PALLD: variants seen among roughly 807,000 people sequenced by gnomAD.
The protein encoded by PALLD is palladin, cytoskeletal associated protein.
PALLD carries 61 observed loss-of-function variants against 123.5 expected under a neutral mutation model. The observed-to-expected ratio is 0.49, with a 90% confidence interval of 0.40 to 0.61. The LOEUF is 0.61. PALLD is among the 20% of genes least tolerant of loss of function. The pLI is 0.00. For missense variants in PALLD, 1,273 were observed against 1,377.0 expected (o/e 0.92, Z 1.20); for synonymous variants, 465 against 496.4 (o/e 0.94, Z 0.84).
At chr4:168,503,709 A>G (rs1761686991) in intron 1 of PALLD, among the ~76,000 whole-genome samples, 1 of 152,118 alleles carries the variant, frequency 6.6e-6, no homozygotes, top group African/African-American at 2.4e-5. Context: ...AAGGAGCAGC[A>G]AGTGCAAAGG....
intron 10 of PALLD, among the ~76,000 whole-genome samples, chr4:168,871,307 T>C (rs77588101): frequency 0.026 from 3,928 of 152,272 alleles, 163 homozygotes; most frequent in African/African-American, 0.087. Flanking sequence ...CGTCATTTCA[T>C]TGGAAGACAG....
intron 2 of PALLD, among the ~76,000 whole-genome samples, chr4:168,599,694 T>C (rs1772350537): frequency 6.6e-6 from 1 of 151,980 alleles, no homozygotes; most frequent in Non-Finnish European, 1.5e-5. Context: ...AGGCCATGAG[T>C]TCAAGGTTGT....
intron 9 of PALLD, among the ~76,000 whole-genome samples, chr4:168,710,044 G>A (rs747223438): frequency 9.9e-5 from 15 of 152,046 alleles, no homozygotes; most frequent in Admixed American, 3.3e-4. Flanking sequence ...TTCTGAAAAG[G>A]TAATACAAGA....
rs1047268497 is a variant in PALLD, at chr4:168,755,212, G to A, written c.1964+43289G>A. Reference sequence around the variant, plus strand: ...TGCACCACTGCACTCCAGCCTGGGCGAGAGAGCAAGACTCCGTCTCAAAAA... The same window carrying A: ...TGCACCACTGCACTCCAGCCTGGGCAAGAGAGCAAGACTCCGTCTCAAAAA... On this transcript the variant is annotated intron_variant, in intron 10 of 21. Coordinates refer to ENST00000505667, the MANE Select transcript of PALLD (RefSeq NM_001166108.2). 4.1e-5 allele frequency among the ~76,000 whole-genome samples: 6 copies of A among 146,288 alleles called. 1 individual carries two copies. The South Asian group carries it at 6.6e-4, about 16-fold the overall frequency.
rs370147012 is a variant in PALLD, at chr4:168,570,424, T to C, written c.908+58012T>C. Among the ~76,000 whole-genome samples, 281 of 152,274 alleles carry C rather than the reference T, an allele frequency of 1.8e-3. 1 individual carries two copies. Among genetic ancestry groups the C allele is most frequent in the African/African-American group, 6.4e-3 (265 of 41,570 alleles). On this transcript the variant is annotated intron_variant, in intron 2 of 21. Coordinates refer to ENST00000505667, the MANE Select transcript of PALLD (RefSeq NM_001166108.2). ...ACATGGTATTTTTAAGTTGGCAAAG[T>C]AATACCTTTTAGACACGCCTTCAGG...
intron 10 of PALLD, among the ~76,000 whole-genome samples, chr4:168,749,873 C>T (rs2150379931): frequency 6.6e-6 from 1 of 151,064 alleles, no homozygotes; most frequent in South Asian, 2.1e-4. Flanking sequence ...CCCCTCCCTC[C>T]CTCCCCTCTC....
At chr4:168,761,892 C>A (rs1373058300) in intron 10 of PALLD, among the ~76,000 whole-genome samples, 1 of 151,844 alleles carries the variant, frequency 6.6e-6, no homozygotes, top group Non-Finnish European at 1.5e-5. Context: ...GAATTTCAGT[C>A]ATTCTTTCCT....
At chr4:168,894,209 T>C in intron 11 of PALLD, 1 of 304,612 alleles carries the variant, frequency 3.3e-6, no homozygotes, top group South Asian at 3.2e-5. Context: ...GTTCTGAAGC[T>C]GATGGATGGC....
intron 10 of PALLD, among the ~76,000 whole-genome samples, chr4:168,784,582 A>G (rs143772495): frequency 6.6e-6 from 1 of 152,198 alleles, no homozygotes. Flanking sequence ...AAGAGACCAC[A>G]AACATGTTGA....
chr4:168,508,446 T>A (rs1487762606), intron 1 of PALLD, among the ~76,000 whole-genome samples: 1 of 152,200 alleles, frequency 6.6e-6, no homozygotes, highest in Non-Finnish European at 1.5e-5. Context: ...ATAAATACAC[T>A]TCGAGTGGGT....
intron 10 of PALLD, among the ~76,000 whole-genome samples, chr4:168,848,793 C>G (rs1006763539): frequency 2.6e-5 from 4 of 152,170 alleles, no homozygotes; most frequent in Admixed American, 6.5e-5. Context: ...TGTAAGTATA[C>G]TTTATTTCTA....
chr4:168,540,143 G>T (rs879158247), intron 2 of PALLD, among the ~76,000 whole-genome samples: 1 of 152,096 alleles, frequency 6.6e-6, no homozygotes, highest in Non-Finnish European at 1.5e-5. Flanking sequence ...TCTGTGCTGC[G>T]ACATGAGCCC....
At position 168,882,545 on chromosome 4, in the gene PALLD, G is replaced by A. The variant is rs745513717; in HGVS notation, c.1965-8377G>A. Among the ~76,000 whole-genome samples, 8 of 150,012 alleles carry A rather than the reference G, an allele frequency of 5.3e-5. No individual in the cohort carries two copies. The East Asian group carries it at 8.1e-4, about 15-fold the overall frequency. On this transcript the variant is annotated intron_variant, in intron 10 of 21. Coordinates refer to ENST00000505667, the MANE Select transcript of PALLD (RefSeq NM_001166108.2). ...GTGAAAAAGAATCCAACAGATACAA[G>A]CCGCAATGTACTTTGCAGACATCTC... is the stretch of plus-strand genomic sequence containing the variant.
At chr4:168,843,322 G>A (rs911458105) in intron 10 of PALLD, among the ~76,000 whole-genome samples, 1 of 151,850 alleles carries the variant, frequency 6.6e-6, no homozygotes, top group Non-Finnish European at 1.5e-5. Context: ...GCTCCACCTG[G>A]TCAGCGCTTA....
Position 168,512,187 on chromosome 4 carries a change from G to A in PALLD, c.683G>A (p.Gly228Glu). 1 of 1,613,812 alleles carries A rather than the reference G, an allele frequency of 6.2e-7. No homozygotes were observed. Among genetic ancestry groups the A allele is most frequent in the East Asian group, 2.2e-5 (1 of 44,872 alleles). Residue 228 changes from glycine (G) to glutamate (E), a missense_variant, in exon 2 of 22, where the codon GGG becomes GAG. Gly to Glu is a moderately conservative substitution (Grantham distance 98). Transcript: ENST00000505667. ...AGCCAGAGCCCTATGGAAGACCAAG[G>A]GGAGATGGAAAGAGAGGTCAAGTCC... ...SASQSPMEDQGEMEREVKSPG... is the reference protein window; with the variant it reads ...SASQSPMEDQEEMEREVKSPG...
intron 2 of PALLD, among the ~76,000 whole-genome samples, chr4:168,589,441 C>T (rs1179819256): frequency 6.6e-6 from 1 of 151,962 alleles, no homozygotes; most frequent in Admixed American, 6.6e-5. Context: ...ATTTTTTGTC[C>T]GTTTCCTCCT....
intron 10 of PALLD, among the ~76,000 whole-genome samples, chr4:168,768,449 G>C (rs190359769): frequency 6.6e-6 from 1 of 152,192 alleles, no homozygotes; most frequent in Non-Finnish European, 1.5e-5. Flanking sequence ...ATGAAGGATA[G>C]AGGGAAGAAA....
At chr4:168,583,919 C>T (rs1770545602) in intron 2 of PALLD, among the ~76,000 whole-genome samples, 1 of 152,100 alleles carries the variant, frequency 6.6e-6, no homozygotes, top group Non-Finnish European at 1.5e-5. Context: ...CCAAGAAAGG[C>T]ATAGTTTCCA....
At position 168,915,996 on chromosome 4, in the gene PALLD, A is replaced by G; in HGVS notation, c.2819A>G (p.Gln940Arg). 3.7e-6 allele frequency: 6 copies of G among 1,614,010 alleles called. No individual in the cohort carries two copies. The highest frequency in any genetic ancestry group is 4.5e-5 in the East Asian group (2 of 44,878). ...FLQAPGDLTV[Q>R]EGKLCRMDCK... is the part of the protein sequence containing the mutation. ...CAGGCTCCTGGAGATCTGACTGTTC[A>G]AGAAGGAAAACTCTGCAGAATGGAC... is the stretch of plus-strand genomic sequence containing the variant. Residue 940 changes from glutamine to arginine, a missense_variant, in exon 17 of 22, where the codon CAA becomes CGA. By Grantham distance (43) the Gln-to-Arg change is conservative. Around this residue, in one of 2 missense-constraint regions of PALLD, gnomAD observed 329 missense variants for 422.5 expected, o/e 0.78. Coordinates refer to ENST00000505667, the MANE Select transcript of PALLD (RefSeq NM_001166108.2).
Sources: allele counts gnomAD v4.1 joint callset (sites outside exome capture counted in the v4.1 genomes callset), GRCh38; gene constraint gnomAD v4.1.1; regional missense constraint gnomAD v4.1.1; transcripts MANE v1.5; gene names NCBI Gene and HGNC (gene_info 2026-07-23, HGNC 2026-07-21).